Variants in SCARA3 observed in about 807,000 individuals in gnomAD.
SCARA3 encodes the protein cellular stress response gene protein.
A neutral mutation model predicts 47.0 loss-of-function variants in SCARA3; 39 were observed. The observed-to-expected ratio is 0.83, with a 90% CI of 0.64 to 1.08. The LOEUF is 1.08. Ranked by LOEUF, SCARA3 falls within the 50% of genes least tolerant of loss-of-function variation. SCARA3 has a pLI of 0.00. For synonymous variants in SCARA3, 356 were observed against 334.1 expected (o/e 1.07, Z -0.71); for missense variants, 724 against 792.3 (o/e 0.91, Z 1.04).
chr8:27,719,102 C>T, the SCARA3 span, among the ~76,000 whole-genome samples: 5 of 152,122 alleles, frequency 3.3e-5, no homozygotes, highest in Non-Finnish European at 5.9e-5. Flanking sequence ...AGAGAAATAG[C>T]AGCAAGCTTG....
chr8:27,663,202 T>C (rs1801948861), intron 5 of SCARA3, among the ~76,000 whole-genome samples: 1 of 152,220 alleles, frequency 6.6e-6, no homozygotes, highest in South Asian at 2.1e-4. Flanking sequence ...CTGGGAGCCT[T>C]TATCTTTCCC....
chr8:27,634,771 C>T (rs943978412), intron 1 of SCARA3, among the ~76,000 whole-genome samples: 2 of 152,224 alleles, frequency 1.3e-5, no homozygotes, highest in Non-Finnish European at 2.9e-5. Context: ...GCCGGGGAAG[C>T]CCCATGGGCC....
chr8:27,660,554 G>GATAT (rs1292413357), intron 5 of SCARA3, among the ~76,000 whole-genome samples: 4 of 150,944 alleles, frequency 2.6e-5, no homozygotes, highest in African/African-American at 9.8e-5. Flanking sequence ...TAGATAGATA[G>GATAT]ATAGATAATA....
At chr8:27,670,006 A>G (rs903081480) in intron 5 of SCARA3, among the ~76,000 whole-genome samples, 1 of 151,982 alleles carries the variant, frequency 6.6e-6, no homozygotes, top group Non-Finnish European at 1.5e-5. Flanking sequence ...TCTCAGACCC[A>G]CATAGCCAGA....
the SCARA3 span, among the ~76,000 whole-genome samples, chr8:27,716,849 A>G: frequency 6.6e-6 from 1 of 152,240 alleles, no homozygotes; most frequent in Admixed American, 6.5e-5. Context: ...ACATCTTCTT[A>G]ATTGATTAAA....
At position 27,672,424 on chromosome 8, in the gene SCARA3, C is replaced by A. The variant is rs1177456364; in HGVS notation, c.*1073C>A. 13 of 985,416 alleles carry A rather than the reference C, an allele frequency of 1.3e-5. No homozygotes were observed. The highest frequency in any genetic ancestry group is 1.2e-4 in the Admixed American group (2 of 16,274). The allele number at this position is 985,416 out of a possible 1,614,324, so 61.0% of individuals were successfully genotyped here. ...CCTCCCTTGCTCTCCCTGAGGCTGG[C>A]CTGCCCCATTCCCCAAGGGGGCTCC... On this transcript the variant is annotated 3_prime_UTR_variant, in exon 6 of 6. Transcript: ENST00000301904.
In SCARA3 at chr8:27,634,218, C is replaced by A; in HGVS notation, c.7+11C>A. ...AAGAGACCATGAAAGGTAAGGGCGG[C>A]CTGTCGGGGGCAGCTCCGAGGGGGG... On this transcript the variant is annotated intron_variant, in intron 1 of 5. Coordinates refer to ENST00000301904, the MANE Select transcript of SCARA3 (RefSeq NM_016240.3). 7.3e-7 allele frequency: 1 copy of A among 1,366,114 alleles called. No individual in the cohort carries two copies. The highest frequency in any genetic ancestry group is 2.0e-5 in the South Asian group (1 of 50,820). The allele number at this position is 1,366,114 out of a possible 1,614,324, so 84.6% of individuals were successfully genotyped here.
the SCARA3 span, among the ~76,000 whole-genome samples, chr8:27,700,117 T>TC: frequency 6.6e-6 from 1 of 152,088 alleles, no homozygotes; most frequent in East Asian, 1.9e-4. Flanking sequence ...AGAAATATGG[T>TC]CATGAAAGTC....
intron 1 of SCARA3, among the ~76,000 whole-genome samples, chr8:27,644,621 G>GGAGAGA (rs71553870): frequency 0.17 from 25,384 of 147,076 alleles, 2,551 homozygotes; most frequent in Middle Eastern, 0.33. Context: ...GAAAAGAAGG[G>GGAGAGA]GAGAGAGAGA....
chr8:27,706,908 A>G, the SCARA3 span, among the ~76,000 whole-genome samples: 1 of 152,176 alleles, frequency 6.6e-6, no homozygotes, highest in African/African-American at 2.4e-5. Flanking sequence ...GGAGGAGGGC[A>G]AGGTGAGGTA....
chr8:27,730,679 G>T, the SCARA3 span, among the ~76,000 whole-genome samples: 1 of 151,690 alleles, frequency 6.6e-6, no homozygotes, highest in Non-Finnish European at 1.5e-5. Context: ...TTGTAGAGAT[G>T]GGGTTTTGCC....
chr8:27,712,688 A>G, the SCARA3 span, among the ~76,000 whole-genome samples: 2 of 152,166 alleles, frequency 1.3e-5, no homozygotes, highest in Non-Finnish European at 2.9e-5. Flanking sequence ...CCCTCTGAAG[A>G]ACATCTTGAT....
At chr8:27,684,988 G>C in the SCARA3 span, among the ~76,000 whole-genome samples, 2 of 152,098 alleles carry the variant, frequency 1.3e-5, no homozygotes, top group African/African-American at 4.8e-5. Flanking sequence ...ATAATAAAGG[G>C]TAGAAATCAG....
chr8:27,660,553 AGATAGAT>A (rs1240633101), intron 5 of SCARA3, among the ~76,000 whole-genome samples: 2 of 151,830 alleles, frequency 1.3e-5, no homozygotes, highest in Non-Finnish European at 2.9e-5. Context: ...ATAGATAGAT[AGATAGAT>A]AATAGATAGA....
chr8:27,724,104 C>T, the SCARA3 span, among the ~76,000 whole-genome samples: 1 of 152,168 alleles, frequency 6.6e-6, no homozygotes, highest in South Asian at 2.1e-4. Flanking sequence ...TGATGACTTG[C>T]CATCAATCAC....
At chr8:27,719,905 T>G in the SCARA3 span, among the ~76,000 whole-genome samples, 1 of 152,080 alleles carries the variant, frequency 6.6e-6, no homozygotes, top group African/African-American at 2.4e-5. Context: ...AATGACTCAT[T>G]GATTATAATT....
chr8:27,669,897 G>A (rs917607435), intron 5 of SCARA3, among the ~76,000 whole-genome samples: 4 of 152,206 alleles, frequency 2.6e-5, no homozygotes, highest in Admixed American at 6.5e-5. Context: ...GTACGGCAGT[G>A]GAGGGCTCCC....
chr8:27,687,124 C>T, the SCARA3 span, among the ~76,000 whole-genome samples: 1 of 152,178 alleles, frequency 6.6e-6, no homozygotes. Context: ...CAGGAACAGG[C>T]TTTTTACCCA....
At chr8:27,685,861 C>T in the SCARA3 span, among the ~76,000 whole-genome samples, 5 of 152,152 alleles carry the variant, frequency 3.3e-5, no homozygotes, top group African/African-American at 9.7e-5. Context: ...ATTTTTATGA[C>T]TGGGGAGGTG....
Sources: gnomAD v4.1 joint callset for allele counts (sites outside exome capture counted in the v4.1 genomes callset) on GRCh38, gnomAD v4.1.1 for gene constraint, MANE v1.5 for transcripts, NCBI Gene and HGNC (gene_info 2026-07-23, HGNC 2026-07-21) for gene names.